Variants in SLC39A10 observed in about 807,000 individuals in gnomAD.
SLC39A10 encodes solute carrier family 39 member 10.
A neutral mutation model predicts 65.1 loss-of-function variants in SLC39A10; 13 were observed. That is an observed-to-expected ratio of 0.20 (90% CI 0.13 to 0.32). The LOEUF is 0.32. Among genes scored for constraint, SLC39A10 ranks in the 10% least tolerant of loss-of-function variants. SLC39A10 has a pLI of 1.00. For missense variants in SLC39A10, 831 were observed against 1,018.4 expected (o/e 0.82, Z 2.50); for synonymous variants, 321 against 342.2 (o/e 0.94, Z 0.68).
intron 1 of SLC39A10, among the ~76,000 whole-genome samples, chr2:195,675,193 G>A (rs1318484264): frequency 1.3e-5 from 2 of 151,716 alleles, no homozygotes; most frequent in Non-Finnish European, 2.9e-5. Flanking sequence ...TTTCTGAGGA[G>A]GAAAAAAAAT....
At chr2:195,653,017 C>T (rs1248332832), upstream of SLC39A10, among the ~76,000 whole-genome samples, 1 of 152,072 alleles carries the variant, frequency 6.6e-6, no homozygotes, top group Non-Finnish European at 1.5e-5. Flanking sequence ...AAAACCATCC[C>T]CACCCACCCC....
At chr2:195,698,118 G>GT (rs1382079049) in intron 3 of SLC39A10, among the ~76,000 whole-genome samples, 1 of 151,250 alleles carries the variant, frequency 6.6e-6, no homozygotes, top group Non-Finnish European at 1.5e-5. Flanking sequence ...AATCTTTTTT[G>GT]TTTTTTTTAA....
At chr2:195,653,693 C>A (rs933755899), upstream of SLC39A10, among the ~76,000 whole-genome samples, 5 of 152,196 alleles carry the variant, frequency 3.3e-5, no homozygotes, top group African/African-American at 1.2e-4. Context: ...CTTTGGAATG[C>A]CCTTGGCAAA....
chr2:195,690,281 C>T (rs1321120587), intron 3 of SLC39A10, among the ~76,000 whole-genome samples: 1 of 151,134 alleles, frequency 6.6e-6, no homozygotes, highest in Non-Finnish European at 1.5e-5. Flanking sequence ...TTTATCTGTC[C>T]ATAGACAGTT....
rs568329583 is a variant in SLC39A10 at position 195,635,706 on chromosome 2, C to A, written c.-12+29473C>A. 3.3e-4 allele frequency among the ~76,000 whole-genome samples: 13 copies of A among 39,118 alleles called. No homozygotes were observed. In the South Asian group the frequency reaches 9.7e-3, roughly 29 times the overall value. The allele number at this position is 39,118 out of a possible 152,430, so 25.7% of individuals were successfully genotyped here. A position where few individuals can be genotyped will look rare whatever the true frequency, so the allele number is the denominator to read the frequency against. ...ATTGCTTTTTTTGTGGAACCCCCCC[C>A]ACTTTTTTTTTTTTTTACTTGAAAG... On this transcript the variant is annotated intron_variant, in intron 2 of 2. Coordinates refer to the SLC39A10 transcript ENST00000458054.
chr2:195,622,292 G>A lies in SLC39A10; in HGVS notation c.-12+16059G>A, dbSNP rs548493918. 1.4e-4 allele frequency among the ~76,000 whole-genome samples: 21 copies of A among 152,160 alleles called. No homozygotes were observed. The South Asian group carries it at 3.7e-3, about 27-fold the overall frequency. ...GAGATGGGAGGATGGCTTGAGCCCC[G>A]GAGGTCAAGGCTGCAGTGAGCCATG... is the stretch of plus-strand genomic sequence containing the variant. On this transcript the variant is annotated intron_variant, in intron 2 of 2. Transcript: ENST00000458054.
intron 2 of SLC39A10, among the ~76,000 whole-genome samples, chr2:195,635,070 A>C (rs1042022859): frequency 1.3e-4 from 20 of 152,134 alleles, no homozygotes; most frequent in African/African-American, 4.6e-4. Context: ...AAACAAAACA[A>C]AAAACAAAAC....
intron 3 of SLC39A10, among the ~76,000 whole-genome samples, chr2:195,698,430 A>T (rs899403475): frequency 2.0e-5 from 3 of 152,088 alleles, no homozygotes; most frequent in African/African-American, 4.8e-5. Context: ...GTCTTTCACC[A>T]TTGAGTATGA....
At chr2:195,720,471 G>C (rs1398784905) in intron 8 of SLC39A10, among the ~76,000 whole-genome samples, 1 of 152,180 alleles carries the variant, frequency 6.6e-6, no homozygotes, top group Non-Finnish European at 1.5e-5. Flanking sequence ...GAATATGCAA[G>C]GGATTTCTTC....
intron 2 of SLC39A10, among the ~76,000 whole-genome samples, chr2:195,617,714 C>G (rs112055037): frequency 6.8e-6 from 1 of 147,058 alleles, no homozygotes; most frequent in African/African-American, 2.5e-5. Flanking sequence ...CTTTTCTTTT[C>G]TTTTCTTTTC....
At chr2:195,713,147 G>A (rs1350376079) in intron 5 of SLC39A10, among the ~76,000 whole-genome samples, 5 of 152,194 alleles carry the variant, frequency 3.3e-5, no homozygotes, top group African/African-American at 4.8e-5. Flanking sequence ...TGTTATACAC[G>A]TTTCATTTGT....
At chr2:195,645,333 T>C (rs771865316) in intron 2 of SLC39A10, among the ~76,000 whole-genome samples, 2 of 152,212 alleles carry the variant, frequency 1.3e-5, no homozygotes, top group African/African-American at 4.8e-5. Flanking sequence ...ACAAAGCTAC[T>C]GCTTGTACTT....
intron 3 of SLC39A10, among the ~76,000 whole-genome samples, chr2:195,700,658 C>T (rs1359344876): frequency 6.6e-6 from 1 of 152,188 alleles, no homozygotes; most frequent in East Asian, 1.9e-4. Flanking sequence ...GTTTCTCCCT[C>T]ACTTTTGAAC....
chr2:195,622,227 A>T (rs1688362899), intron 2 of SLC39A10, among the ~76,000 whole-genome samples: 1 of 152,042 alleles, frequency 6.6e-6, no homozygotes, highest in African/African-American at 2.4e-5. Context: ...ATAGTTGGGC[A>T]TGGTGGTGAG....
At chr2:195,689,430 A>G (rs1690643285) in intron 3 of SLC39A10, among the ~76,000 whole-genome samples, 1 of 152,118 alleles carries the variant, frequency 6.6e-6, no homozygotes, top group Admixed American at 6.6e-5. Flanking sequence ...TCAAAAAAAA[A>G]AGAGGACTTT....
chr2:195,691,806 T>A (rs1315096817), intron 3 of SLC39A10, among the ~76,000 whole-genome samples: 1 of 152,262 alleles, frequency 6.6e-6, no homozygotes, highest in Admixed American at 6.5e-5. Flanking sequence ...TTTCTCCCAC[T>A]CCGTGGGTTT....
At chr2:195,691,195 T>C (rs1308085628) in intron 3 of SLC39A10, among the ~76,000 whole-genome samples, 2 of 152,222 alleles carry the variant, frequency 1.3e-5, no homozygotes, top group African/African-American at 4.8e-5. Flanking sequence ...TTTCTTTTTA[T>C]GGCTGAGTAG....
chr2:195,713,699 C>A (rs1412240460), intron 6 of SLC39A10, 146 bp downstream of exon 6: 4 of 994,094 alleles, frequency 4.0e-6, no homozygotes, highest in Non-Finnish European at 5.6e-6. Flanking sequence ...AAAGGTGTTA[C>A]CCTCATAGCA....
intron 9 of SLC39A10, among the ~76,000 whole-genome samples, chr2:195,733,618 C>A (rs1266658080): frequency 6.6e-6 from 1 of 152,050 alleles, no homozygotes; most frequent in Non-Finnish European, 1.5e-5. Context: ...GCAACCTCCG[C>A]CTCCTGGGTT....
Sources: allele counts gnomAD v4.1 joint callset (sites outside exome capture counted in the v4.1 genomes callset), GRCh38; gene constraint gnomAD v4.1.1; transcripts MANE v1.5; gene names NCBI Gene and HGNC (gene_info 2026-07-23, HGNC 2026-07-21).